Variants in SLC3A2 observed in about 807,000 individuals in gnomAD.
SLC3A2 encodes solute carrier family 3 member 2.
SLC3A2 carries 32 observed loss-of-function variants against 48.5 expected under a neutral mutation model. The observed-to-expected ratio is 0.66, with a 90% confidence interval of 0.50 to 0.89. The LOEUF is 0.89. SLC3A2 is among the 40% of genes least tolerant of loss of function. The pLI is 0.00. For synonymous variants in SLC3A2, 277 were observed against 288.8 expected (o/e 0.96, Z 0.41); for missense variants, 587 against 680.7 (o/e 0.86, Z 1.53).
At chr11:62,874,519 A>C (rs2085550704) in intron 1 of SLC3A2, among the ~76,000 whole-genome samples, 1 of 151,532 alleles carries the variant, frequency 6.6e-6, no homozygotes, top group Non-Finnish European at 1.5e-5. Flanking sequence ...TATTTCTTTC[A>C]CTCTTTCTGG....
chr11:62,878,853 C>A (rs186779563), upstream of SLC3A2, among the ~76,000 whole-genome samples: 30 of 151,810 alleles, frequency 2.0e-4, no homozygotes, highest in African/African-American at 7.3e-4. Flanking sequence ...TGGCTCACTG[C>A]AACCTCTGCC....
Position 62,885,159 on chromosome 11 carries a change from C to G in SLC3A2, c.819-18C>G. 6.2e-7 allele frequency: 1 copy of G among 1,612,916 alleles called. No individual in the cohort carries two copies. The highest frequency in any genetic ancestry group is 8.5e-7 in the Non-Finnish European group (1 of 1,179,534). On this transcript the variant is annotated intron_variant, in intron 5 of 8. Coordinates refer to ENST00000338663, the MANE Select transcript of SLC3A2 (RefSeq NM_001013251.3). ...TTCTTTCTTGTGCTAACCTTGAACT[C>G]CTCCCTCCCCTCTGCAGGCTCTTGA... is the stretch of plus-strand genomic sequence containing the variant.
Position 62,881,931 on chromosome 11 carries a change from G to C in SLC3A2, c.463G>C (p.Val155Leu). ...GRLDYLSSLK[V>L]KGLVLGPIHK... ...TCTCGATTACCTGAGCTCTCTGAAG[G>C]TGAAGGGCCTTGTGCTGGGTCCAAT... Residue 155 changes from valine to leucine, a missense_variant, in exon 2 of 9, where the codon GTG becomes CTG. Val to Leu is a conservative substitution (Grantham distance 32, BLOSUM62 1). This residue lies in a region of SLC3A2 where 409 missense variants were observed against 446.7 expected (regional missense o/e 0.92). Coordinates refer to ENST00000338663, the MANE Select transcript of SLC3A2 (RefSeq NM_001013251.3). The surrounding 1 kb of genome is among the most constrained non-coding windows in gnomAD (Gnocchi z 4.0). The C allele has an allele frequency of 1.9e-6, 3 of 1,614,160 alleles. No individual in the cohort carries two copies. The highest frequency in any genetic ancestry group is 2.5e-6 in the Non-Finnish European group (3 of 1,180,034).
At chr11:62,883,042 G>C in intron 3 of SLC3A2, 43 bp downstream of exon 3, 1 of 1,569,064 alleles carries the variant, frequency 6.4e-7, no homozygotes, top group Non-Finnish European at 8.8e-7. Flanking sequence ...AGATGCTGGG[G>C]CTGGGACAGT....
chr11:62,868,363 T>C (rs1251656935), intron 1 of SLC3A2, among the ~76,000 whole-genome samples: 1 of 151,100 alleles, frequency 6.6e-6, no homozygotes, highest in Non-Finnish European at 1.5e-5. Flanking sequence ...GGTATTTTCA[T>C]TCTTTTTTTT....
At chr11:62,888,087 A>G (rs896829215) in intron 7 of SLC3A2, 48 bp from the exon 8 acceptor site, 8 of 1,539,604 alleles carry the variant, frequency 5.2e-6, no homozygotes, top group African/African-American at 1.4e-5. Flanking sequence ...GTGAGCCACC[A>G]TGCCTGACCC....
chr11:62,871,927 T>A (rs1047357565), intron 1 of SLC3A2, among the ~76,000 whole-genome samples: 2 of 151,556 alleles, frequency 1.3e-5, no homozygotes, highest in African/African-American at 2.4e-5. Context: ...TATTATTATT[T>A]TTTGAGATGG....
In SLC3A2 at chr11:62,869,055, C is replaced by T. The variant is rs371893669; in HGVS notation, c.113-11964C>T. On this transcript the variant is annotated intron_variant, in intron 1 of 9. Coordinates refer to the SLC3A2 transcript ENST00000377889. ...CTGGGACGACAGGCTTGCACCACCA[C>T]GCCCCGCTAATTTTTGTATTTTTAG... Among the ~76,000 whole-genome samples, 80 of 151,898 alleles carry T rather than the reference C, an allele frequency of 5.3e-4. No homozygotes were observed. In the South Asian group the frequency reaches 0.014, roughly 27 times the overall value.
At position 62,881,389 on chromosome 11, in the gene SLC3A2, C is replaced by T. The variant is rs2085636483; in HGVS notation, c.366C>T (p.Ala122=). 1.3e-6 allele frequency: 2 copies of T among 1,596,660 alleles called. No individual in the cohort carries two copies. The highest frequency in any genetic ancestry group is 1.7e-6 in the Non-Finnish European group (2 of 1,177,798). ...LPAQKWWHTG[A]LYRIGDLQAF... ...CGCAGAAGTGGTGGCACACGGGCGCCCTCTACCGCATCGGCGACCTTCAGG... is the reference window on the plus strand; with the variant it reads ...CGCAGAAGTGGTGGCACACGGGCGCTCTCTACCGCATCGGCGACCTTCAGG... Residue 122 remains alanine (A), a synonymous_variant, in exon 1 of 9, where the codon GCC becomes GCT. Coordinates refer to ENST00000338663, the MANE Select transcript of SLC3A2 (RefSeq NM_001013251.3). The surrounding 1 kb of genome is among the most constrained non-coding windows in gnomAD (Gnocchi z 4.0).
At chr11:62,856,480 T>C in intron 1 of SLC3A2, 3 of 1,084,472 alleles carry the variant, frequency 2.8e-6, no homozygotes, top group Non-Finnish European at 4.0e-6. Flanking sequence ...AGACAGGATC[T>C]GATTTTTTCC....
intron 1 of SLC3A2, among the ~76,000 whole-genome samples, chr11:62,865,889 G>C (rs548575193): frequency 1.1e-3 from 175 of 152,182 alleles, no homozygotes; most frequent in African/African-American, 4.1e-3. Flanking sequence ...ATACTTCCCC[G>C]TATATCTTGA....
At chr11:62,879,606 G>A (rs373690343), upstream of SLC3A2, among the ~76,000 whole-genome samples, 151 of 152,220 alleles carry the variant, frequency 9.9e-4, 1 homozygote, top group South Asian at 0.027. Flanking sequence ...GGTTGCAGAG[G>A]GGACTAGCAG....
At chr11:62,871,745 A>C in intron 1 of SLC3A2, 1 of 484,826 alleles carries the variant, frequency 2.1e-6, no homozygotes. Context: ...TTTTTTCTTT[A>C]AAGATATCTT....
rs1159049811 is a variant in SLC3A2, at chr11:62,880,946, C to T, written c.-78C>T. On this transcript the variant is annotated 5_prime_UTR_variant, in exon 1 of 9. Transcript: ENST00000338663. Reference sequence around the variant, plus strand: ...AGGCACAGAGGCCGGGGAGAGCGTTCTGGGTCCGAGGGTCCAGGTAGGGGT... The same window carrying T: ...AGGCACAGAGGCCGGGGAGAGCGTTTTGGGTCCGAGGGTCCAGGTAGGGGT... 1 of 1,485,812 alleles carries T rather than the reference C, an allele frequency of 6.7e-7. No individual in the cohort carries two copies. The highest frequency in any genetic ancestry group is 2.3e-5 in the East Asian group (1 of 42,852). 92.0% of individuals were successfully genotyped at this position (1,485,812 alleles called of 1,614,324 possible). A position where few individuals can be genotyped will look rare whatever the true frequency, so the allele number is the denominator to read the frequency against.
At chr11:62,880,787 A>T, upstream of SLC3A2, 1 of 706,950 alleles carries the variant, frequency 1.4e-6, no homozygotes, top group Non-Finnish European at 2.2e-6. Context: ...TCCTGACTTT[A>T]CTACCCTGAG....
At position 62,882,943 on chromosome 11, in the gene SLC3A2, C is replaced by T. The variant is rs142988967; in HGVS notation, c.634C>T (p.Arg212Trp). 119 of 1,614,090 alleles carry T rather than the reference C, an allele frequency of 7.4e-5. No individual in the cohort carries two copies. In the African/African-American group the frequency reaches 1.2e-3, roughly 16 times the overall value. Residue 212 changes from arginine to tryptophan, a missense_variant, in exon 3 of 9, where the codon CGG becomes TGG. By Grantham distance (101) the Arg-to-Trp change is moderately radical (BLOSUM62 -3). Coordinates refer to ENST00000338663, the MANE Select transcript of SLC3A2 (RefSeq NM_001013251.3). ...RVILDLTPNY[R>W]GENSWFSTQV... ...CATTCTGGACCTTACTCCCAACTAC[C>T]GGGGTGAGAACTCGTGGTTCTCCAC...
intron 1 of SLC3A2, among the ~76,000 whole-genome samples, chr11:62,873,379 TC>T (rs2085537179): frequency 6.6e-6 from 1 of 151,548 alleles, no homozygotes; most frequent in Non-Finnish European, 1.5e-5. Flanking sequence ...TCCCAGGTAC[TC>T]TGGGAGGCTG....
At chr11:62,877,123 C>T (rs1461227658), upstream of SLC3A2, among the ~76,000 whole-genome samples, 7 of 145,024 alleles carry the variant, frequency 4.8e-5, no homozygotes, top group Non-Finnish European at 8.9e-5. Context: ...TACAGTGGTG[C>T]GATCTGGGCT....
At chr11:62,866,172 C>T (rs947547933) in intron 1 of SLC3A2, among the ~76,000 whole-genome samples, 1 of 151,062 alleles carries the variant, frequency 6.6e-6, no homozygotes, top group Non-Finnish European at 1.5e-5. Flanking sequence ...GGCTGGAGTG[C>T]AATGGTACGA....
Sources: gnomAD v4.1 joint callset for allele counts (sites outside exome capture counted in the v4.1 genomes callset) on GRCh38, gnomAD v4.1.1 for gene constraint, gnomAD v4.1.1 regional missense constraint, Gnocchi (gnomAD v3.1) non-coding constraint, MANE v1.5 for transcripts, NCBI Gene and HGNC (gene_info 2026-07-23, HGNC 2026-07-21) for gene names.